The following ERN1 variants were observed in gnomAD, a reference collection of about 807,000 sequenced individuals.
ERN1 encodes serine/threonine-protein kinase/endoribonuclease IRE1.
A neutral mutation model predicts 113.1 loss-of-function variants in ERN1; 39 were observed. That is an observed-to-expected ratio of 0.34 (90% CI 0.27 to 0.45). The LOEUF (loss-of-function observed/expected upper bound fraction) is 0.45, where lower values mean the gene tolerates loss of function less well. ERN1 is among the 20% of genes least tolerant of loss of function. The pLI is 1.00. For missense variants in ERN1, 976 were observed against 1,274.8 expected, an observed-to-expected ratio of 0.77 and a Z score of 3.57; for synonymous variants, 507 against 515.9, an observed-to-expected ratio of 0.98 and a Z score of 0.23.
chr17:64,118,959 TTAAC>T (rs1481576532), intron 1 of ERN1, among the ~76,000 whole-genome samples: 4 of 152,144 alleles, frequency 2.6e-5, no homozygotes, highest in African/African-American at 9.7e-5. Flanking sequence ...TTCTTGTGCT[TTAAC>T]TAACTCACTC....
At chr17:64,097,925 T>G (rs1378466114) in intron 2 of ERN1, 196 bp downstream of exon 2, 9 of 629,774 alleles carry the variant, frequency 1.4e-5, no homozygotes, top group African/African-American at 1.1e-4. Flanking sequence ...CTTTAACTGA[T>G]GCACTTAGTG....
In ERN1 at chr17:64,051,650, G is replaced by C. The variant is rs75973113; in HGVS notation, c.2253+1130C>G. Among the ~76,000 whole-genome samples the C allele has an allele frequency of 4.5e-3, 680 of 152,238 alleles. 2 individuals are homozygous for C. The highest frequency in any genetic ancestry group is 0.016 in the African/African-American group (649 of 41,520). On this transcript the variant is annotated intron_variant, in intron 17 of 21. Transcript: ENST00000433197. Reference sequence around the variant, plus strand: ...CCCACTGCCTGGACTCTTCAAAATGGAACTTCAACATGGAACAAAATATAG... The same window carrying C: ...CCCACTGCCTGGACTCTTCAAAATGCAACTTCAACATGGAACAAAATATAG...
chr17:64,046,773 A>G (rs1912527281), intron 19 of ERN1, among the ~76,000 whole-genome samples: 3 of 152,210 alleles, frequency 2.0e-5, no homozygotes, highest in African/African-American at 7.2e-5. Context: ...GGTGCCCACC[A>G]AGCTGCACTC....
Position 64,073,002 on chromosome 17 carries a change from A to C in ERN1, c.356-899T>G, listed in dbSNP as rs532967843. ...GCTGGAGAAGGTCACAGAGCCTTTG[A>C]AATTTTTTTTTTTTTTTTTTTGAGA... On this transcript the variant is annotated intron_variant, in intron 5 of 21. Transcript: ENST00000433197. Among the ~76,000 whole-genome samples, 4 of 116,954 alleles carry C rather than the reference A, an allele frequency of 3.4e-5. No homozygotes were observed. The East Asian group carries it at 9.9e-4, about 29-fold the overall frequency. 76.7% of individuals were successfully genotyped at this position (116,954 alleles called of 152,430 possible). A position where few individuals can be genotyped will look rare whatever the true frequency, so the allele number is the denominator to read the frequency against.
chr17:64,097,352 C>T (rs1914257736), intron 2 of ERN1, among the ~76,000 whole-genome samples: 2 of 152,208 alleles, frequency 1.3e-5, no homozygotes, highest in South Asian at 4.1e-4. Context: ...AAAACATTGG[C>T]TGTGCTCGTG....
At chr17:64,129,597 CGAG>C (rs1915177866) in intron 1 of ERN1, 2 of 362,414 alleles carry the variant, frequency 5.5e-6, no homozygotes, top group Non-Finnish European at 4.9e-6. Context: ...CGCCCGCCCG[CGAG>C]GAGGAGGGTC....
chr17:64,108,288 C>T (rs777826882), intron 1 of ERN1, among the ~76,000 whole-genome samples: 1 of 151,826 alleles, frequency 6.6e-6, no homozygotes, highest in Non-Finnish European at 1.5e-5. Context: ...GAATACAGTT[C>T]CCCCCAAACT....
At chr17:64,102,185 C>T (rs1003416310) in intron 1 of ERN1, among the ~76,000 whole-genome samples, 1 of 152,118 alleles carries the variant, frequency 6.6e-6, no homozygotes, top group African/African-American at 2.4e-5. Context: ...ACTTGGGAGG[C>T]TGAAGCAGGA....
At chr17:64,061,708 C>T (rs1364682674) in intron 10 of ERN1, among the ~76,000 whole-genome samples, 4 of 152,250 alleles carry the variant, frequency 2.6e-5, no homozygotes, top group Admixed American at 2.6e-4. Context: ...CTGCCCACTT[C>T]AGACCACTGA....
rs1213790739 is a variant in ERN1, at chr17:64,041,286, CA to C, written c.*2701del. 5 of 152,244 alleles carry C rather than the reference CA, an allele frequency of 3.3e-5. No homozygotes were observed. Among genetic ancestry groups the C allele is most frequent in the Non-Finnish European group, 7.3e-5 (5 of 68,042 alleles). The allele number at this position is 152,244 out of a possible 1,614,324, so 9.4% of individuals were successfully genotyped here. On this transcript the variant is annotated 3_prime_UTR_variant, in exon 22 of 22. Coordinates refer to ENST00000433197, the MANE Select transcript of ERN1 (RefSeq NM_001433.5). ...GTCATAGTGTCCTTTGGATTCCTAA[CA>C]GATGTGACCAAGCTCCATCTTGAAG...
Position 64,126,113 on chromosome 17 carries a change from CAGT to C in ERN1, c.54+3860_54+3862del, listed in dbSNP as rs546174531. ...ACTGCTTCTGGGAAATATTTCCAAC[CAGT>C]AGTTTATTATTCACAAACTGTGATT... On this transcript the variant is annotated intron_variant, in intron 1 of 21. Transcript: ENST00000433197. Among the ~76,000 whole-genome samples the C allele has an allele frequency of 3.9e-5, 6 of 152,154 alleles. No homozygotes were observed. The South Asian group carries it at 1.2e-3, about 32-fold the overall frequency.
At chr17:64,093,382 T>C (rs1446365393) in intron 2 of ERN1, among the ~76,000 whole-genome samples, 1 of 152,234 alleles carries the variant, frequency 6.6e-6, no homozygotes, top group African/African-American at 2.4e-5. Context: ...AGTTTCTTCC[T>C]GGCCCCATCT....
intron 1 of ERN1, among the ~76,000 whole-genome samples, chr17:64,112,501 A>G (rs1038496019): frequency 6.6e-6 from 1 of 152,210 alleles, no homozygotes; most frequent in Non-Finnish European, 1.5e-5. Context: ...TGCTGCGGCT[A>G]AACGATTCAA....
chr17:64,126,071 T>C (rs1470548312), intron 1 of ERN1, among the ~76,000 whole-genome samples: 2 of 151,408 alleles, frequency 1.3e-5, no homozygotes, highest in Non-Finnish European at 2.9e-5. Context: ...TAGGTAAAGA[T>C]AGAAAGGAAA....
At chr17:64,082,199 T>C (rs1010868577) in intron 2 of ERN1, among the ~76,000 whole-genome samples, 2 of 152,170 alleles carry the variant, frequency 1.3e-5, no homozygotes, top group African/African-American at 4.8e-5. Context: ...AACAGAGGTG[T>C]ACACACACCA....
At chr17:64,115,684 T>A (rs1372152844) in intron 1 of ERN1, among the ~76,000 whole-genome samples, 1 of 152,216 alleles carries the variant, frequency 6.6e-6, no homozygotes, top group Non-Finnish European at 1.5e-5. Context: ...TCCTCAGGTA[T>A]CCTCATGAGT....
Position 64,047,838 on chromosome 17 carries a change from A to C in ERN1, c.2529+20T>G. The C allele has an allele frequency of 6.4e-7, 1 of 1,565,352 alleles. No homozygotes were observed. The highest frequency in any genetic ancestry group is 8.7e-7 in the Non-Finnish European group (1 of 1,155,906). On this transcript the variant is annotated intron_variant, in intron 19 of 21. Transcript: ENST00000433197. ...AAACATTAAATGAAGACTCTGGATA[A>C]AGAGAACAGACGTCTCTACCTGGAA... is the stretch of plus-strand genomic sequence containing the variant.
At chr17:64,048,729 G>A (rs118028575) in intron 18 of ERN1, among the ~76,000 whole-genome samples, 2,790 of 152,278 alleles carry the variant, frequency 0.018, 37 homozygotes, top group South Asian at 0.036. Flanking sequence ...CCAAATGCCA[G>A]TGCAGGAAGG....
At chr17:64,061,734 A>T (rs999576587) in intron 10 of ERN1, among the ~76,000 whole-genome samples, 4 of 152,224 alleles carry the variant, frequency 2.6e-5, no homozygotes, top group African/African-American at 9.7e-5. Flanking sequence ...ACTTGCTGGT[A>T]GGGCCCAGGA....
Sources: allele counts gnomAD v4.1 joint callset (sites outside exome capture counted in the v4.1 genomes callset), GRCh38; gene constraint gnomAD v4.1.1; transcripts MANE v1.5; gene names NCBI Gene and HGNC (gene_info 2026-07-23, HGNC 2026-07-21).